ZNF131: variants seen among roughly 807,000 people sequenced by gnomAD.
ZNF131 encodes the protein zinc finger and BTB domain containing 35.
Under a neutral mutation model 60.0 loss-of-function variants are expected in ZNF131, and 7 were observed. That is an observed-to-expected ratio of 0.12 (90% CI 0.07 to 0.22). ZNF131 has a LOEUF of 0.22. Ranked by LOEUF, ZNF131 falls within the 10% of genes least tolerant of loss-of-function variation. The probability of loss-of-function intolerance (pLI) is 1.00; values close to 1 mark genes in which losing one functional copy is unlikely to be tolerated. For synonymous variants in ZNF131, 257 were observed against 253.2 expected (o/e 1.01, Z -0.14); for missense variants, 493 against 740.9 (o/e 0.67, Z 3.88).
At chr5:43,124,908 T>C (rs1744321642) in intron 3 of ZNF131, 1 of 152,020 alleles carries the variant, frequency 6.6e-6, no homozygotes, top group Non-Finnish European at 1.5e-5. Flanking sequence ...CACATGCCTG[T>C]GGTCCCAGCT....
intron 4 of ZNF131, among the ~76,000 whole-genome samples, chr5:43,159,331 TTG>T (rs1561432912): frequency 6.6e-6 from 1 of 152,110 alleles, no homozygotes; most frequent in Non-Finnish European, 1.5e-5. Flanking sequence ...TCAAGGAGAA[TTG>T]TCTCCCAACA....
chr5:43,121,233 T>C (rs1368824072), intron 1 of ZNF131, 110 bp downstream of exon 1: 2 of 152,702 alleles, frequency 1.3e-5, no homozygotes, highest in African/African-American at 4.8e-5. Flanking sequence ...CATTCCGGGC[T>C]CGGGTCGGGA....
rs754620045 is a variant in ZNF131, at chr5:43,139,157, C to T, written c.227-8C>T. ...GATTACATGCTCTAATGTACATCTT[C>T]TTTACAGGTGTTAGTAAAATGGCCT... On this transcript the variant is annotated splice_polypyrimidine_tract_variant and splice_region_variant and intron_variant, in intron 3 of 6. Coordinates refer to ENST00000682664, the MANE Select transcript of ZNF131 (RefSeq NM_001330707.2). 1.3e-6 allele frequency: 2 copies of T among 1,585,252 alleles called. No homozygotes were observed. The highest frequency in any genetic ancestry group is 2.4e-5 in the South Asian group (2 of 84,694).
chr5:43,138,102 C>A (rs1397415560), intron 3 of ZNF131, among the ~76,000 whole-genome samples: 3 of 152,084 alleles, frequency 2.0e-5, no homozygotes, highest in African/African-American at 7.2e-5. Context: ...AGGAAATGGG[C>A]AGTTACTAAT....
In ZNF131 at chr5:43,161,484, A is replaced by G. The variant is rs373814612; in HGVS notation, c.607A>G (p.Thr203Ala). 4.3e-5 allele frequency: 69 copies of G among 1,614,146 alleles called. No individual in the cohort carries two copies. Among genetic ancestry groups the G allele is most frequent in the Non-Finnish European group, 5.8e-5 (69 of 1,180,050 alleles). Residue 203 changes from threonine (T) to alanine (A), a missense_variant, in exon 5 of 7, where the codon ACA (threonine) becomes GCA (alanine). This residue lies in a region of ZNF131 where 138 missense variants were observed against 158.7 expected (regional missense o/e 0.87). Coordinates refer to ENST00000682664, the MANE Select transcript of ZNF131 (RefSeq NM_001330707.2). ...GCAGTCCGTAAAGTACATACAGAGC[A>G]CAGGTTCCTCTGATGATTCTGCTCT... ...AKQSVKYIQS[T>A]GSSDDSALAL...
chr5:43,129,908 G>A lies in ZNF131; in HGVS notation c.226+6598G>A, dbSNP rs187996389. Among the ~76,000 whole-genome samples, 532 of 151,794 alleles carry A rather than the reference G, an allele frequency of 3.5e-3. 1 individual carries two copies. Among genetic ancestry groups the A allele is most frequent in the African/African-American group, 6.5e-3 (269 of 41,456 alleles). ...CCTGACCTCGTGATCTGCCTGCCTC[G>A]GCCTCCCAAAGTGCTGGGATTAGAG... On this transcript the variant is annotated intron_variant, in intron 3 of 6. Coordinates refer to ENST00000682664, the MANE Select transcript of ZNF131 (RefSeq NM_001330707.2).
At chr5:43,157,666 T>C (rs1048694184) in intron 4 of ZNF131, among the ~76,000 whole-genome samples, 26 of 152,370 alleles carry the variant, frequency 1.7e-4, no homozygotes, top group African/African-American at 6.0e-4. Flanking sequence ...CAAAGTACCA[T>C]AAACTGGATG....
chr5:43,137,309 G>A (rs1343139146), intron 3 of ZNF131, among the ~76,000 whole-genome samples: 1 of 152,082 alleles, frequency 6.6e-6, no homozygotes. Context: ...CCAAATAAAT[G>A]ATAAGGAATG....
intron 3 of ZNF131, among the ~76,000 whole-genome samples, chr5:43,137,830 G>A (rs1004037938): frequency 3.3e-5 from 5 of 152,092 alleles, no homozygotes; most frequent in African/African-American, 9.7e-5. Flanking sequence ...ATAAATATTC[G>A]TCAACAGATT....
chr5:43,168,114 T>C (rs1750581694), intron 5 of ZNF131: 1 of 342,178 alleles, frequency 2.9e-6, no homozygotes, highest in Non-Finnish European at 5.8e-6. Context: ...ACCCATTAAT[T>C]CATTGATCCA....
At chr5:43,132,251 GCAA>G (rs1745453091) in intron 3 of ZNF131, among the ~76,000 whole-genome samples, 1 of 152,118 alleles carries the variant, frequency 6.6e-6, no homozygotes, top group Admixed American at 6.6e-5. Context: ...ATAAATGAAA[GCAA>G]CAAGGAGAAA....
chr5:43,156,138 T>C lies in ZNF131; in HGVS notation c.372-5111T>C, dbSNP rs184667865. On this transcript the variant is annotated intron_variant, in intron 4 of 6. Coordinates refer to ENST00000682664, the MANE Select transcript of ZNF131 (RefSeq NM_001330707.2). ...CACTTCCTGCTATACATTCACATGTTGAAGCAACAACAGTATACATAGAAT... is the reference window on the plus strand; with the variant it reads ...CACTTCCTGCTATACATTCACATGTCGAAGCAACAACAGTATACATAGAAT... 1.8e-4 allele frequency among the ~76,000 whole-genome samples: 28 copies of C among 152,296 alleles called. No homozygotes were observed. The East Asian group carries it at 2.9e-3, about 16-fold the overall frequency.
intron 5 of ZNF131, among the ~76,000 whole-genome samples, chr5:43,172,340 G>T (rs528513954): frequency 3.9e-5 from 6 of 152,002 alleles, no homozygotes; most frequent in Admixed American, 2.0e-4. Flanking sequence ...CCCTAATTTG[G>T]CCAGGTGCAG....
chr5:43,174,402 GT>G, intron 6 of ZNF131, 44 bp from the exon 7 acceptor site: 1 of 1,452,728 alleles, frequency 6.9e-7, no homozygotes, highest in Non-Finnish European at 9.1e-7. Flanking sequence ...ATTTCCTTCA[GT>G]TTGGATATAA....
At chr5:43,146,677 C>G (rs1221124697) in intron 4 of ZNF131, among the ~76,000 whole-genome samples, 1 of 151,928 alleles carries the variant, frequency 6.6e-6, no homozygotes, top group Non-Finnish European at 1.5e-5. Flanking sequence ...AAGGCCGAGG[C>G]AGGCAATCAC....
chr5:43,174,789 G>T lies in ZNF131; in HGVS notation c.1528G>T (p.Asp510Tyr). The change falls in exon 7 of 7, where the codon GAT becomes TAT. Residue 510 changes from aspartate to tyrosine, a missense_variant. By Grantham distance (160) the Asp-to-Tyr change is radical (BLOSUM62 -3). Transcript: ENST00000682664. The part of the protein sequence containing the change: ...PDLLQDSQVH[D>Y]SHMSELPEQV... ...TCTGCTCCAGGACAGCCAGGTGCAC[G>T]ATTCACACATGAGTGAGCTTCCAGA... 6.2e-7 allele frequency: 1 copy of T among 1,614,170 alleles called. No individual in the cohort carries two copies. Among genetic ancestry groups the T allele is most frequent in the Non-Finnish European group, 8.5e-7 (1 of 1,180,038 alleles).
At chr5:43,156,853 A>G (rs1233326842) in intron 4 of ZNF131, among the ~76,000 whole-genome samples, 1 of 152,006 alleles carries the variant, frequency 6.6e-6, no homozygotes, top group Middle Eastern at 3.2e-3. Flanking sequence ...CCTGAGCAAC[A>G]TAGTGAGACC....
intron 6 of ZNF131, 109 bp from the exon 7 acceptor site, chr5:43,174,338 A>G: frequency 1.0e-6 from 1 of 1,004,456 alleles, no homozygotes; most frequent in South Asian, 2.2e-5. Context: ...CATATTTATA[A>G]CATTTACAGA....
chr5:43,160,001 C>A (rs1031570954), intron 4 of ZNF131, among the ~76,000 whole-genome samples: 3 of 151,874 alleles, frequency 2.0e-5, no homozygotes, highest in African/African-American at 7.3e-5. Flanking sequence ...ACGGTGAAAC[C>A]CCATCTCTAC....
Sources: gnomAD v4.1 joint callset for allele counts (sites outside exome capture counted in the v4.1 genomes callset) on GRCh38, gnomAD v4.1.1 for gene constraint, gnomAD v4.1.1 regional missense constraint, MANE v1.5 for transcripts, NCBI Gene and HGNC (gene_info 2026-07-23, HGNC 2026-07-21) for gene names.